The following GRIP1 variants were observed in gnomAD, a reference collection of about 807,000 sequenced individuals.
GRIP1 encodes the protein glutamate receptor-interacting protein 1.
Under a neutral mutation model 129.9 loss-of-function variants are expected in GRIP1, and 45 were observed. That is an observed-to-expected ratio of 0.35 (90% confidence interval 0.27 to 0.44). The LOEUF is 0.44. GRIP1 is among the 20% of genes least tolerant of loss of function. The pLI, the probability that GRIP1 is intolerant of heterozygous loss-of-function variation, is 1.00. For synonymous variants in GRIP1, 530 were observed against 520.8 expected, an observed-to-expected ratio of 1.02 and a Z score of -0.24; for missense variants, 1,196 against 1,396.8, an observed-to-expected ratio of 0.86 and a Z score of 2.29.
intron 1 of GRIP1, among the ~76,000 whole-genome samples, chr12:66,883,355 A>G (rs1277714723): frequency 1.3e-5 from 2 of 151,930 alleles, no homozygotes; most frequent in African/African-American, 4.8e-5. Flanking sequence ...TTTCATCTTC[A>G]TTTTCACAGT....
intron 1 of GRIP1, among the ~76,000 whole-genome samples, chr12:66,653,301 T>C (rs960221217): frequency 6.6e-6 from 1 of 152,246 alleles, no homozygotes; most frequent in African/African-American, 2.4e-5. Flanking sequence ...AATACCAAAT[T>C]GTTAAAACCA....
chr12:66,482,283 A>G (rs896264332), intron 7 of GRIP1, among the ~76,000 whole-genome samples: 1 of 152,170 alleles, frequency 6.6e-6, no homozygotes. Context: ...TGTCAGTGAG[A>G]CTTCTAGGCA....
chr12:66,833,757 T>C (rs1420081055), intron 1 of GRIP1, among the ~76,000 whole-genome samples: 1 of 152,194 alleles, frequency 6.6e-6, no homozygotes, highest in Non-Finnish European at 1.5e-5. Context: ...ACATTATTTA[T>C]CTATCTCTTA....
intron 1 of GRIP1, among the ~76,000 whole-genome samples, chr12:66,675,780 A>G (rs1414273150): frequency 1.3e-5 from 2 of 152,210 alleles, no homozygotes; most frequent in Non-Finnish European, 2.9e-5. Flanking sequence ...ATTAGATGGG[A>G]AACGGAATGC....
At chr12:66,472,252 T>C (rs2059459195) in intron 7 of GRIP1, among the ~76,000 whole-genome samples, 2 of 152,320 alleles carry the variant, frequency 1.3e-5, no homozygotes, top group South Asian at 2.1e-4. Flanking sequence ...CTGCCAACTA[T>C]ATGCCATGCA....
intron 1 of GRIP1, among the ~76,000 whole-genome samples, chr12:66,982,044 A>T (rs568764557): frequency 1.8e-4 from 27 of 152,326 alleles, no homozygotes; most frequent in Middle Eastern, 3.4e-3. Context: ...TTGAGAACTT[A>T]TAAAGAACAC....
intron 7 of GRIP1, among the ~76,000 whole-genome samples, chr12:66,512,615 A>G (rs969787301): frequency 3.0e-5 from 4 of 131,918 alleles, no homozygotes; most frequent in African/African-American, 1.2e-4. Context: ...AATACAAGCC[A>G]ATAAACAAAA....
At chr12:66,778,679 C>T (rs969354909) in intron 1 of GRIP1, among the ~76,000 whole-genome samples, 1 of 152,138 alleles carries the variant, frequency 6.6e-6, no homozygotes, top group African/African-American at 2.4e-5. Context: ...CAGAAAAACA[C>T]AAACTGGAGT....
intron 1 of GRIP1, among the ~76,000 whole-genome samples, chr12:66,645,705 A>C (rs1326358106): frequency 6.6e-6 from 1 of 152,200 alleles, no homozygotes; most frequent in African/African-American, 2.4e-5. Flanking sequence ...ATTTCAAGAT[A>C]ATTATTTTCC....
intron 1 of GRIP1, among the ~76,000 whole-genome samples, chr12:66,917,974 ACG>A (rs2041153890): frequency 6.7e-6 from 1 of 148,494 alleles, no homozygotes; most frequent in Admixed American, 6.8e-5. Context: ...ACACACACAC[ACG>A]GAGAGAGAGA....
chr12:66,479,100 A>G (rs987789238), intron 7 of GRIP1, among the ~76,000 whole-genome samples: 2 of 42,824 alleles, frequency 4.7e-5, no homozygotes, highest in African/African-American at 4.1e-4. Context: ...GTGAGAGATA[A>G]AACAGAAAAA....
intron 19 of GRIP1, 49 bp from the exon 20 acceptor site, chr12:66,379,485 CA>C: frequency 6.3e-7 from 1 of 1,578,012 alleles, no homozygotes; most frequent in Non-Finnish European, 8.7e-7. Flanking sequence ...TTACTTAATC[CA>C]TTGAGAAATG....
intron 16 of GRIP1, among the ~76,000 whole-genome samples, chr12:66,405,115 G>C (rs1199191555): frequency 6.6e-6 from 1 of 152,184 alleles, no homozygotes; most frequent in Non-Finnish European, 1.5e-5. Flanking sequence ...CCAAAATCTA[G>C]GTGGAGGAAG....
chr12:66,921,902 T>C (rs1415290098), intron 1 of GRIP1, among the ~76,000 whole-genome samples: 2 of 152,286 alleles, frequency 1.3e-5, no homozygotes, highest in Non-Finnish European at 2.9e-5. Context: ...TAATTGTCAC[T>C]AAAAAGTAGC....
At chr12:66,628,088 T>G (rs1245722435) in intron 1 of GRIP1, among the ~76,000 whole-genome samples, 1 of 152,138 alleles carries the variant, frequency 6.6e-6, no homozygotes, top group East Asian at 1.9e-4. Flanking sequence ...ATCCCCCAAC[T>G]CTGCTTGGAG....
chr12:67,038,878 A>T (rs926557255), intron 1 of GRIP1, among the ~76,000 whole-genome samples: 8 of 152,206 alleles, frequency 5.3e-5, no homozygotes, highest in Admixed American at 6.5e-5. Context: ...AACTTAGCGC[A>T]GCATGACTCT....
intron 1 of GRIP1, among the ~76,000 whole-genome samples, chr12:66,769,793 C>T (rs1231089194): frequency 1.3e-5 from 2 of 152,210 alleles, no homozygotes; most frequent in East Asian, 3.9e-4. Flanking sequence ...ACCTCTACAC[C>T]TCTTGAACTC....
rs549411699 is a variant in GRIP1, at chr12:66,657,874, G to A, written c.55+20976C>T. On this transcript the variant is annotated intron_variant, in intron 1 of 24. Coordinates refer to ENST00000359742, the MANE Select transcript of GRIP1 (RefSeq NM_001366722.1). ...AGGCGACAGGAGGGATTCTATTTTA[G>A]GGGATTTTAAAGTTTGCTCTTAAAT... 2.6e-5 allele frequency among the ~76,000 whole-genome samples: 4 copies of A among 152,248 alleles called. No homozygotes were observed. The South Asian group carries it at 8.3e-4, about 32-fold the overall frequency.
At chr12:66,639,011 T>C (rs905970206) in intron 1 of GRIP1, among the ~76,000 whole-genome samples, 9 of 152,232 alleles carry the variant, frequency 5.9e-5, no homozygotes, top group Non-Finnish European at 1.3e-4. Flanking sequence ...GGTGCAAATC[T>C]AATTGCAGTT....
Sources: allele counts gnomAD v4.1 joint callset (sites outside exome capture counted in the v4.1 genomes callset), GRCh38; gene constraint gnomAD v4.1.1; transcripts MANE v1.5; gene names NCBI Gene and HGNC (gene_info 2026-07-23, HGNC 2026-07-21).